Variants in MEGF9 observed in about 807,000 individuals in gnomAD.
The protein encoded by MEGF9 is multiple epidermal growth factor-like domains protein 9.
In MEGF9, 6 loss-of-function variants were observed where a neutral mutation model predicts 46.8. The observed-to-expected ratio is 0.13, with a 90% CI of 0.07 to 0.25. The LOEUF is 0.25. Ranked by LOEUF, MEGF9 falls within the 10% of genes least tolerant of loss-of-function variation. The probability of loss-of-function intolerance (pLI) is 1.00; values close to 1 mark genes in which losing one functional copy is unlikely to be tolerated. For missense variants in MEGF9, 683 were observed against 792.4 expected (o/e 0.86, Z 1.66); for synonymous variants, 302 against 330.7 (o/e 0.91, Z 0.94).
At chr9:120,623,190 C>T (rs546102070) in intron 2 of MEGF9, among the ~76,000 whole-genome samples, 8 of 152,256 alleles carry the variant, frequency 5.3e-5, no homozygotes, top group South Asian at 4.1e-4. Flanking sequence ...TCATACAAAG[C>T]CAGACTTTTC....
chr9:120,699,320 CTCAA>C (rs1048109844), intron 1 of MEGF9, among the ~76,000 whole-genome samples: 1 of 151,978 alleles, frequency 6.6e-6, no homozygotes, highest in Non-Finnish European at 1.5e-5. Context: ...AAATATTAAA[CTCAA>C]TCAGTGATTT....
intron 2 of MEGF9, among the ~76,000 whole-genome samples, chr9:120,623,400 A>G (rs546435270): frequency 1.3e-5 from 2 of 152,340 alleles, no homozygotes; most frequent in African/African-American, 4.8e-5. Flanking sequence ...TTCTCACTGC[A>G]AGTAAATTTC....
At chr9:120,653,049 A>G (rs1375318931) in intron 2 of MEGF9, among the ~76,000 whole-genome samples, 1 of 152,264 alleles carries the variant, frequency 6.6e-6, no homozygotes, top group African/African-American at 2.4e-5. Context: ...ACTACACGTC[A>G]TCACACTACT....
intron 1 of MEGF9, among the ~76,000 whole-genome samples, chr9:120,670,837 T>A (rs1233954302): frequency 6.6e-6 from 1 of 152,172 alleles, no homozygotes; most frequent in Non-Finnish European, 1.5e-5. Context: ...CTTTTCAAGC[T>A]TTCACTCTTT....
At chr9:120,675,904 A>AC (rs897109053) in intron 1 of MEGF9, among the ~76,000 whole-genome samples, 4 of 151,322 alleles carry the variant, frequency 2.6e-5, no homozygotes, top group South Asian at 2.1e-4. Context: ...AAAAAAAAAA[A>AC]AAAAAACAAC....
intron 1 of MEGF9, chr9:120,690,116 T>C (rs1292433568): frequency 5.1e-6 from 2 of 394,602 alleles, no homozygotes; most frequent in Non-Finnish European, 1.1e-5. Flanking sequence ...GGAATAAACA[T>C]TCCAGATATA....
At chr9:120,642,326 T>C (rs908987717) in intron 2 of MEGF9, among the ~76,000 whole-genome samples, 3 of 152,198 alleles carry the variant, frequency 2.0e-5, no homozygotes, top group Non-Finnish European at 2.9e-5. Flanking sequence ...TGCACTTACA[T>C]TGAGATGCTC....
intron 2 of MEGF9, among the ~76,000 whole-genome samples, chr9:120,633,053 T>G (rs988066940): frequency 6.6e-6 from 1 of 152,176 alleles, no homozygotes; most frequent in Non-Finnish European, 1.5e-5. Context: ...GTAGTTTTCT[T>G]TTTTGTGTTG....
chr9:120,661,596 G>A (rs2043702058), intron 1 of MEGF9, among the ~76,000 whole-genome samples: 1 of 152,188 alleles, frequency 6.6e-6, no homozygotes, highest in Non-Finnish European at 1.5e-5. Context: ...AAACTTGGGT[G>A]GTTCACAAAA....
intron 1 of MEGF9, among the ~76,000 whole-genome samples, chr9:120,670,450 A>T (rs1362808214): frequency 6.6e-6 from 1 of 152,168 alleles, no homozygotes; most frequent in African/African-American, 2.4e-5. Flanking sequence ...TTCCTAGAGC[A>T]TTGTTAGAGA....
intron 1 of MEGF9, among the ~76,000 whole-genome samples, chr9:120,701,606 T>C (rs565581350): frequency 3.9e-5 from 6 of 152,294 alleles, no homozygotes; most frequent in Non-Finnish European, 8.8e-5. Context: ...AACCAAACTT[T>C]TGGAGGCTCA....
intron 1 of MEGF9, among the ~76,000 whole-genome samples, chr9:120,674,808 G>A (rs2043765396): frequency 6.6e-6 from 1 of 151,644 alleles, no homozygotes; most frequent in Non-Finnish European, 1.5e-5. Flanking sequence ...GGCCTCAAGT[G>A]ATCCTCCCTC....
chr9:120,701,381 T>C lies in MEGF9; in HGVS notation c.601+12377A>G, dbSNP rs76309779. 8.5e-5 allele frequency among the ~76,000 whole-genome samples: 13 copies of C among 152,338 alleles called. No homozygotes were observed. In the East Asian group the frequency reaches 2.5e-3, roughly 29 times the overall value. The stretch of plus-strand genomic sequence containing the variant: ...GGTCTAAAATTTAGTAAATAAAGGT[T>C]ATTTAACATTCTCCAGCCAGGCTGA... On this transcript the variant is annotated intron_variant, in intron 1 of 5. Transcript: ENST00000373930.
intron 2 of MEGF9, among the ~76,000 whole-genome samples, chr9:120,623,595 A>G (rs1023099607): frequency 1.3e-5 from 2 of 152,214 alleles, no homozygotes; most frequent in African/African-American, 4.8e-5. Context: ...TCTAATTTAT[A>G]CTATCAAGCA....
intron 3 of MEGF9, among the ~76,000 whole-genome samples, chr9:120,616,245 T>C (rs2043472069): frequency 6.6e-6 from 1 of 151,854 alleles, no homozygotes; most frequent in Non-Finnish European, 1.5e-5. Context: ...AAACACTTCA[T>C]ATATATATTT....
At chr9:120,617,332 T>C (rs2043476955) in intron 3 of MEGF9, among the ~76,000 whole-genome samples, 1 of 152,178 alleles carries the variant, frequency 6.6e-6, no homozygotes, top group Non-Finnish European at 1.5e-5. Context: ...TATTCCTTTA[T>C]TTATTTTACC....
At chr9:120,610,241 T>C (rs1335902151) in intron 4 of MEGF9, among the ~76,000 whole-genome samples, 1 of 152,228 alleles carries the variant, frequency 6.6e-6, no homozygotes, top group Non-Finnish European at 1.5e-5. Flanking sequence ...TCAATGAAGT[T>C]ACAGCTTACA....
At chr9:120,648,190 T>C (rs1177319140) in intron 2 of MEGF9, among the ~76,000 whole-genome samples, 2 of 152,058 alleles carry the variant, frequency 1.3e-5, no homozygotes, top group Admixed American at 1.3e-4. Flanking sequence ...CACCTCTTGT[T>C]AAATATTCTT....
chr9:120,662,167 T>G (rs2043705457), intron 1 of MEGF9, among the ~76,000 whole-genome samples: 1 of 152,216 alleles, frequency 6.6e-6, no homozygotes, highest in South Asian at 2.1e-4. Flanking sequence ...CTTAATATTT[T>G]TTCCAGTGAA....
Sources: allele counts gnomAD v4.1 joint callset (sites outside exome capture counted in the v4.1 genomes callset), GRCh38; gene constraint gnomAD v4.1.1; transcripts MANE v1.5; gene names NCBI Gene and HGNC (gene_info 2026-07-23, HGNC 2026-07-21).